The following SUDS3 variants were observed in gnomAD, a reference collection of about 807,000 sequenced individuals.
SUDS3 encodes the protein SIN3A corepressor complex component SDS3, also known as sin3 histone deacetylase corepressor complex component SDS3.
Under a neutral mutation model 53.5 loss-of-function variants are expected in SUDS3, and 23 were observed. The ratio of observed to expected loss-of-function variants is 0.43; its 90% CI spans 0.31 to 0.61. The LOEUF (loss-of-function observed/expected upper bound fraction) is 0.61, where lower values mean the gene tolerates loss of function less well. SUDS3 is among the 20% of genes least tolerant of loss of function. The pLI is 0.10. For synonymous variants in SUDS3, 150 were observed against 148.5 expected (o/e 1.01, Z -0.08); for missense variants, 291 against 405.9 (o/e 0.72, Z 2.43).
chr12:118,400,891 GTT>G (rs1363515437), intron 7 of SUDS3, 137 bp downstream of exon 7: 39 of 821,158 alleles, frequency 4.7e-5, no homozygotes, highest in Non-Finnish European at 7.6e-5. Flanking sequence ...TGTGTTAAAT[GTT>G]TGTCCACAGG....
At chr12:118,377,703 T>C (rs1308447130) in intron 1 of SUDS3, among the ~76,000 whole-genome samples, 1 of 151,894 alleles carries the variant, frequency 6.6e-6, no homozygotes, top group Non-Finnish European at 1.5e-5. Context: ...AGGAGGAAGG[T>C]GATGAAATGT....
intron 10 of SUDS3, among the ~76,000 whole-genome samples, chr12:118,406,469 C>T (rs1299705611): frequency 6.6e-6 from 1 of 152,106 alleles, no homozygotes; most frequent in East Asian, 1.9e-4. Context: ...CTTTTGTGTC[C>T]ACCTTCTTAA....
At chr12:118,384,786 C>T (rs527669917) in intron 3 of SUDS3, among the ~76,000 whole-genome samples, 3 of 150,382 alleles carry the variant, frequency 2.0e-5, no homozygotes, top group South Asian at 2.1e-4. Context: ...GAGCCAAGAT[C>T]GTGCCACTGC....
Position 118,414,961 on chromosome 12 carries a change from C to T in SUDS3, c.*528C>T, listed in dbSNP as rs2046387705. The T allele has an allele frequency of 6.6e-6, 1 of 152,264 alleles. No individual in the cohort carries two copies. Among genetic ancestry groups the T allele is most frequent in the South Asian group, 2.1e-4 (1 of 4,832 alleles). The allele number at this position is 152,264 out of a possible 1,614,324, so 9.4% of individuals were successfully genotyped here. ...GGAGATGATGAATTCTCGTGGCTCTCGGCCTTCTCAGAGAAATAAATGCTT... is the reference window on the plus strand; with the variant it reads ...GGAGATGATGAATTCTCGTGGCTCTTGGCCTTCTCAGAGAAATAAATGCTT... On this transcript the variant is annotated 3_prime_UTR_variant, in exon 12 of 12. Coordinates refer to ENST00000543473, the MANE Select transcript of SUDS3 (RefSeq NM_022491.3).
At position 118,407,804 on chromosome 12, in the gene SUDS3, C is replaced by T. The variant is rs537815469; in HGVS notation, c.804-3269C>T. Among the ~76,000 whole-genome samples the T allele has an allele frequency of 2.3e-4, 35 of 151,632 alleles. No homozygotes were observed. The East Asian group carries it at 4.9e-3, about 21-fold the overall frequency. On this transcript the variant is annotated intron_variant, in intron 10 of 11. Transcript: ENST00000543473. ...CGCAATCTTGGCTCACTGCAGACTC[C>T]GCCTCCCAGGTTCAAGCGATTCTCC...
intron 2 of SUDS3, 69 bp from the exon 3 acceptor site, chr12:118,383,943 T>G: frequency 2.1e-5 from 30 of 1,410,560 alleles, no homozygotes; most frequent in Non-Finnish European, 2.8e-5. Context: ...CTAATTTCTG[T>G]GAGTAGGTTA....
chr12:118,408,279 C>G (rs144585054), intron 10 of SUDS3, among the ~76,000 whole-genome samples: 1 of 152,044 alleles, frequency 6.6e-6, no homozygotes, highest in South Asian at 2.1e-4. Context: ...GGCAATCCAC[C>G]CACCTTGGCC....
rs946575895 is a variant in SUDS3 at position 118,417,759 on chromosome 12, A to C, written c.*3326A>C. ...TCTGTATTGTATCCATTGACTTGAT[A>C]AGTGATAGAAATTTATTTTAGGTTT... On this transcript the variant is annotated 3_prime_UTR_variant, in exon 12 of 12. Coordinates refer to ENST00000543473, the MANE Select transcript of SUDS3 (RefSeq NM_022491.3). 3.3e-5 allele frequency: 5 copies of C among 152,006 alleles called. No individual in the cohort carries two copies. The highest frequency in any genetic ancestry group is 4.8e-5 in the African/African-American group (2 of 41,372). The allele number at this position is 152,006 out of a possible 1,614,324, so 9.4% of individuals were successfully genotyped here.
At position 118,376,829 on chromosome 12, in the gene SUDS3, C is replaced by T. The variant is rs1403316498; in HGVS notation, c.138C>T (p.Asp46=). ...GCAGCTGTCGGGGCCGCGAGTCGGA[C>T]GAAGGTGAGTCCTGCCGCTCGCCCG... is the stretch of plus-strand genomic sequence containing the variant. ...DERSCRGRES[D]EDTEDASETD... Residue 46 remains aspartate (D), a synonymous_variant, in exon 1 of 12, where the codon GAC becomes GAT. Coordinates refer to ENST00000543473, the MANE Select transcript of SUDS3 (RefSeq NM_022491.3). The T allele has an allele frequency of 6.5e-7, 1 of 1,538,452 alleles. No individual in the cohort carries two copies.
intron 10 of SUDS3, among the ~76,000 whole-genome samples, chr12:118,407,065 GT>G (rs1357361716): frequency 2.0e-5 from 3 of 151,612 alleles, no homozygotes; most frequent in African/African-American, 7.3e-5. Context: ...CCTGGCTAAT[GT>G]TTTTTTGATT....
At chr12:118,405,668 A>G (rs2046302521) in intron 10 of SUDS3, among the ~76,000 whole-genome samples, 1 of 152,124 alleles carries the variant, frequency 6.6e-6, no homozygotes, top group African/African-American at 2.4e-5. Context: ...CTTGGCAGTC[A>G]GAGATCATAA....
chr12:118,391,098 T>C (rs2046163232), intron 5 of SUDS3, 28 bp from the exon 6 acceptor site: 1 of 1,610,924 alleles, frequency 6.2e-7, no homozygotes, highest in African/African-American at 1.3e-5. Context: ...GGCTGTGTAC[T>C]CCCAGCCCGT....
intron 10 of SUDS3, among the ~76,000 whole-genome samples, chr12:118,410,130 C>A (rs899616504): frequency 6.6e-5 from 10 of 152,238 alleles, no homozygotes; most frequent in African/African-American, 2.4e-4. Context: ...ATTTGAATCT[C>A]TGTGATAGTG....
chr12:118,399,268 G>A (rs1433698200), intron 6 of SUDS3, among the ~76,000 whole-genome samples: 8 of 152,266 alleles, frequency 5.3e-5, no homozygotes, highest in African/African-American at 1.9e-4. Context: ...TTGAGAGGCT[G>A]AGGAGGGCGG....
chr12:118,413,410 C>G (rs17587081), intron 11 of SUDS3, among the ~76,000 whole-genome samples: 1 of 152,200 alleles, frequency 6.6e-6, no homozygotes, highest in Non-Finnish European at 1.5e-5. Flanking sequence ...TGTCAGACAC[C>G]AGAATTCACG....
At chr12:118,377,224 C>T (rs990260236) in intron 1 of SUDS3, among the ~76,000 whole-genome samples, 6 of 151,974 alleles carry the variant, frequency 3.9e-5, no homozygotes, top group Non-Finnish European at 8.8e-5. Context: ...CCCCTCCCCA[C>T]CCCCGAAATG....
At chr12:118,386,590 T>G (rs548591916) in intron 4 of SUDS3, among the ~76,000 whole-genome samples, 10 of 152,278 alleles carry the variant, frequency 6.6e-5, no homozygotes, top group East Asian at 5.8e-4. Flanking sequence ...GGGGAGGGTC[T>G]TCTTGTTATT....
rs1476935882 is a variant in SUDS3, at chr12:118,403,490, A to T, written c.776A>T (p.Asp259Val). ...CAGAGGTTCGAAGCTCGGATAGAAG[A>T]TGGCAAACTGTACTATGACAAAAGA... ...PAQRFEARIE[D>V]GKLYYDKRWY... Residue 259 changes from aspartate to valine, a missense_variant, in exon 10 of 12, where the codon GAT becomes GTT. By Grantham distance (152) the Asp-to-Val change is radical. Transcript: ENST00000543473. 6.2e-7 allele frequency: 1 copy of T among 1,613,504 alleles called. No individual in the cohort carries two copies. Among genetic ancestry groups the T allele is most frequent in the East Asian group, 2.2e-5 (1 of 44,872 alleles).
At chr12:118,385,785 A>C (rs2046109684) in intron 3 of SUDS3, among the ~76,000 whole-genome samples, 2 of 152,214 alleles carry the variant, frequency 1.3e-5, no homozygotes, top group South Asian at 4.1e-4. Context: ...ACCTTACTGA[A>C]GGAGAATGAA....
Sources: allele counts gnomAD v4.1 joint callset (sites outside exome capture counted in the v4.1 genomes callset), GRCh38; gene constraint gnomAD v4.1.1; transcripts MANE v1.5; gene names NCBI Gene and HGNC (gene_info 2026-07-23, HGNC 2026-07-21).